The following ACOXL variants were observed in gnomAD, a reference collection of about 807,000 sequenced individuals.
ACOXL encodes acyl-CoA oxidase like, also known as acyl-coenzyme A oxidase-like protein.
In ACOXL, 70 loss-of-function variants were observed where a neutral mutation model predicts 71.9. The ratio of observed to expected loss-of-function variants is 0.97; its 90% CI spans 0.80 to 1.19. The LOEUF (loss-of-function observed/expected upper bound fraction) is 1.19, where lower values mean the gene tolerates loss of function less well. Among genes scored for constraint, ACOXL ranks in the 50% most tolerant of loss-of-function variants. ACOXL has a pLI of 0.00. For missense variants in ACOXL, 703 were observed against 736.3 expected (o/e 0.95, Z 0.52); for synonymous variants, 253 against 281.6 (o/e 0.90, Z 1.02).
At chr2:110,807,991 A>G (rs1686878244) in intron 9 of ACOXL, among the ~76,000 whole-genome samples, 1 of 152,054 alleles carries the variant, frequency 6.6e-6, no homozygotes, top group African/African-American at 2.4e-5. Flanking sequence ...TTTCATTTCC[A>G]TGGCATTCCT....
rs182042656 is a variant in ACOXL at position 111,063,981 on chromosome 2, A to C, written c.1440+14693A>C. On this transcript the variant is annotated intron_variant, in intron 16 of 17. Coordinates refer to ENST00000439055, the MANE Select transcript of ACOXL (RefSeq NM_001142807.4). ...AGGAAAGCAGGCAGACAAGGAAAGGAATTCCTAGAACTAAAAAGTGACTCA... is the reference window on the plus strand; with the variant it reads ...AGGAAAGCAGGCAGACAAGGAAAGGCATTCCTAGAACTAAAAAGTGACTCA... Among the ~76,000 whole-genome samples the C allele has an allele frequency of 2.7e-4, 41 of 152,314 alleles. 1 individual carries two copies. The East Asian group carries it at 6.0e-3, about 22-fold the overall frequency.
chr2:111,077,281 T>C (rs767364489), intron 16 of ACOXL, among the ~76,000 whole-genome samples: 2 of 152,196 alleles, frequency 1.3e-5, no homozygotes, highest in Non-Finnish European at 2.9e-5. Context: ...AACTTTATAA[T>C]TTACTTAGAA....
intron 14 of ACOXL, among the ~76,000 whole-genome samples, chr2:111,006,426 A>G (rs1393275131): frequency 6.6e-6 from 1 of 152,220 alleles, no homozygotes; most frequent in East Asian, 1.9e-4. Flanking sequence ...AGGAGTGTAC[A>G]AGCGGGAACA....
At chr2:111,073,193 C>T (rs2149937677) in intron 16 of ACOXL, among the ~76,000 whole-genome samples, 1 of 152,274 alleles carries the variant, frequency 6.6e-6, no homozygotes, top group African/African-American at 2.4e-5. Flanking sequence ...ATATCTTCTC[C>T]CATTGTATAG....
chr2:110,742,832 G>T lies in ACOXL; in HGVS notation c.-23+10058G>T, dbSNP rs556894481. ...AAAAAGCTTCTTGACATTGGTTTGGGTAAAGATTTTTTGGATATGATCCCA... is the reference window on the plus strand; with the variant it reads ...AAAAAGCTTCTTGACATTGGTTTGGTTAAAGATTTTTTGGATATGATCCCA... On this transcript the variant is annotated intron_variant, in intron 1 of 17. Transcript: ENST00000439055. Among the ~76,000 whole-genome samples, 31 of 152,284 alleles carry T rather than the reference G, an allele frequency of 2.0e-4. No homozygotes were observed. The South Asian group carries it at 2.5e-3, about 12-fold the overall frequency.
intron 15 of ACOXL, among the ~76,000 whole-genome samples, chr2:111,038,455 G>C (rs1331245935): frequency 1.3e-5 from 2 of 152,212 alleles, no homozygotes; most frequent in East Asian, 3.8e-4. Flanking sequence ...TCAAAAAATT[G>C]TACATTGTAT....
chr2:110,785,333 C>T (rs1244607563), intron 3 of ACOXL, among the ~76,000 whole-genome samples: 1 of 151,546 alleles, frequency 6.6e-6, no homozygotes, highest in Non-Finnish European at 1.5e-5. Context: ...AGGACATAGA[C>T]CCTATTCAGA....
chr2:111,100,444 G>T (rs148373217), intron 17 of ACOXL: 1 of 152,642 alleles, frequency 6.6e-6, no homozygotes, highest in South Asian at 2.1e-4. Flanking sequence ...CCAAAAACTC[G>T]TTCACTAAGA....
At chr2:111,072,858 TTAG>T (rs1020244831) in intron 16 of ACOXL, among the ~76,000 whole-genome samples, 6 of 152,212 alleles carry the variant, frequency 3.9e-5, no homozygotes, top group Non-Finnish European at 5.9e-5. Flanking sequence ...GCATATAACT[TTAG>T]AAGAAACTTT....
intron 12 of ACOXL, among the ~76,000 whole-genome samples, chr2:110,937,335 A>T (rs2060701619): frequency 6.6e-6 from 1 of 151,960 alleles, no homozygotes. Flanking sequence ...CTGTGTCAGG[A>T]ACTGGGGTAA....
intron 10 of ACOXL, among the ~76,000 whole-genome samples, chr2:110,856,979 C>G (rs1034862810): frequency 1.3e-5 from 2 of 152,232 alleles, no homozygotes; most frequent in African/African-American, 2.4e-5. Context: ...CTTCATTCAT[C>G]AAACAGTTAT....
intron 10 of ACOXL, among the ~76,000 whole-genome samples, chr2:110,881,278 AC>A (rs1696609116): frequency 4.6e-5 from 7 of 152,168 alleles, no homozygotes; most frequent in South Asian, 2.1e-4. Flanking sequence ...TTCCTGTAAA[AC>A]ATGAATTACT....
chr2:110,954,445 ATTTTCCCTTTTCCAT>A (rs1232893750), intron 12 of ACOXL, among the ~76,000 whole-genome samples: 1 of 151,788 alleles, frequency 6.6e-6, no homozygotes, highest in Non-Finnish European at 1.5e-5. Context: ...TATGGTGTTT[ATTTTCCCTTTTCCAT>A]TTTTCCCTTT....
chr2:110,762,082 A>T (rs958366943), intron 1 of ACOXL, among the ~76,000 whole-genome samples: 2 of 152,080 alleles, frequency 1.3e-5, no homozygotes, highest in African/African-American at 4.8e-5. Context: ...TCCTTTTATA[A>T]TTATAATATC....
intron 12 of ACOXL, among the ~76,000 whole-genome samples, chr2:110,958,049 CAAAAAAA>C (rs35899146): frequency 2.1e-5 from 2 of 96,140 alleles, no homozygotes; most frequent in Non-Finnish European, 4.1e-5. Context: ...GACTCCGTCT[CAAAAAAA>C]AAAAAAAAAA....
intron 16 of ACOXL, among the ~76,000 whole-genome samples, chr2:111,082,174 T>C (rs2067959575): frequency 6.6e-6 from 1 of 151,664 alleles, no homozygotes; most frequent in South Asian, 2.1e-4. Flanking sequence ...ACAAATGGGA[T>C]CCAATTAAAC....
At chr2:110,856,490 A>G (rs1693263416) in intron 10 of ACOXL, among the ~76,000 whole-genome samples, 1 of 152,220 alleles carries the variant, frequency 6.6e-6, no homozygotes, top group South Asian at 2.1e-4. Flanking sequence ...TGTTTCCTTT[A>G]GGTAAAAAAG....
chr2:111,045,012 C>G (rs1157649501), intron 15 of ACOXL, among the ~76,000 whole-genome samples: 7 of 152,132 alleles, frequency 4.6e-5, no homozygotes. Context: ...AAAGTCCAAC[C>G]AAGGAGAACT....
At chr2:110,756,865 T>A (rs1231661939) in intron 1 of ACOXL, among the ~76,000 whole-genome samples, 10 of 152,162 alleles carry the variant, frequency 6.6e-5, no homozygotes, top group Admixed American at 2.0e-4. Context: ...TTAAAAAAAA[T>A]TTTACGGGAG....
Sources: allele counts gnomAD v4.1 joint callset (sites outside exome capture counted in the v4.1 genomes callset), GRCh38; gene constraint gnomAD v4.1.1; transcripts MANE v1.5; gene names NCBI Gene and HGNC (gene_info 2026-07-23, HGNC 2026-07-21).